SKI: variants seen among roughly 807,000 people sequenced by gnomAD.
SKI encodes SKI proto-oncogene, also known as ski oncogene.
In SKI, 23 loss-of-function variants were observed where a neutral mutation model predicts 59.3. That is an observed-to-expected ratio of 0.39 (90% CI 0.28 to 0.55). The LOEUF is 0.55. Among genes scored for constraint, SKI ranks in the 20% least tolerant of loss-of-function variants. The pLI is 0.67. For missense variants in SKI, 1,017 were observed against 1,038.9 expected (o/e 0.98, Z 0.29); for synonymous variants, 673 against 488.6 (o/e 1.38, Z -4.98).
At chr1:2,264,107 G>GT (rs1199352157) in intron 1 of SKI, among the ~76,000 whole-genome samples, 1 of 152,056 alleles carries the variant, frequency 6.6e-6, no homozygotes, top group African/African-American at 2.4e-5. Flanking sequence ...AGACTATTCA[G>GT]TTTATCTGTT....
chr1:2,246,854 G>GT (rs1491554287), intron 1 of SKI, among the ~76,000 whole-genome samples: 2 of 44,366 alleles, frequency 4.5e-5, no homozygotes, highest in Non-Finnish European at 4.5e-5. Flanking sequence ...GGAACCTGAT[G>GT]GGGGGGGCCT....
chr1:2,273,820 CTGTT>C (rs972025680), intron 1 of SKI, among the ~76,000 whole-genome samples: 6 of 152,206 alleles, frequency 3.9e-5, no homozygotes, highest in African/African-American at 1.4e-4. Flanking sequence ...GCCCTCCTGT[CTGTT>C]CTGTGGACCG....
At chr1:2,277,599 G>T (rs1321772488) in intron 1 of SKI, among the ~76,000 whole-genome samples, 4 of 152,178 alleles carry the variant, frequency 2.6e-5, no homozygotes, top group Non-Finnish European at 1.5e-5. Context: ...TCCCAGTTTC[G>T]GGTATATCTT....
At chr1:2,292,908 A>C (rs1252093762) in intron 1 of SKI, among the ~76,000 whole-genome samples, 1 of 152,158 alleles carries the variant, frequency 6.6e-6, no homozygotes, top group Non-Finnish European at 1.5e-5. Context: ...GCCGTGTCTC[A>C]GTGGCACCCT....
rs142819375 is a variant in SKI, at chr1:2,303,232, G to C, written c.1096-53G>C. ...GCACCCGGCGCAGCCTCAGGGACAT[G>C]AAGTGGCTTGTTTTTCTCCTGGTCA... On this transcript the variant is annotated intron_variant, in intron 2 of 6. Coordinates refer to ENST00000378536, the MANE Select transcript of SKI (RefSeq NM_003036.4). This position sits in a 1 kb window ranked among gnomAD's most constrained non-coding sequence, Gnocchi z 5.6. 2,147 of 1,604,340 alleles carry C rather than the reference G, an allele frequency of 1.3e-3. 3 individuals are homozygous for C. In the Middle Eastern group the frequency reaches 0.017, roughly 13 times the overall value.
chr1:2,273,128 C>T (rs1639665602), intron 1 of SKI, among the ~76,000 whole-genome samples: 1 of 152,218 alleles, frequency 6.6e-6, no homozygotes, highest in Non-Finnish European at 1.5e-5. Flanking sequence ...CGGGAACAGA[C>T]CAAGGGGGTG....
intron 1 of SKI, among the ~76,000 whole-genome samples, chr1:2,287,481 T>C (rs59514430): frequency 0.1 from 15,254 of 151,454 alleles, 841 homozygotes; most frequent in South Asian, 0.16. Context: ...GGACTACAGG[T>C]GCCCGCCACC....
At chr1:2,271,120 G>C (rs1165169159) in intron 1 of SKI, among the ~76,000 whole-genome samples, 1 of 152,148 alleles carries the variant, frequency 6.6e-6, no homozygotes, top group Non-Finnish European at 1.5e-5. Context: ...TGGGTGTTGG[G>C]GTGCACACAA....
At chr1:2,241,050 G>C (rs535453073) in intron 1 of SKI, among the ~76,000 whole-genome samples, 1 of 152,336 alleles carries the variant, frequency 6.6e-6, no homozygotes, top group East Asian at 1.9e-4. Context: ...GCCATTTTCT[G>C]CCTAAACGTT....
At chr1:2,283,264 C>T (rs1557838785) in intron 1 of SKI, among the ~76,000 whole-genome samples, 1 of 152,236 alleles carries the variant, frequency 6.6e-6, no homozygotes, top group Non-Finnish European at 1.5e-5. Flanking sequence ...TGCGCCAGGC[C>T]TCACTCAGTC....
intron 1 of SKI, among the ~76,000 whole-genome samples, chr1:2,234,525 G>A (rs909321971): frequency 1.1e-4 from 16 of 152,182 alleles, no homozygotes; most frequent in African/African-American, 3.6e-4. Context: ...AGTGTGAGCC[G>A]AACCCCGCCC....
chr1:2,252,422 T>C (rs995654524), intron 1 of SKI, among the ~76,000 whole-genome samples: 46 of 152,294 alleles, frequency 3.0e-4, no homozygotes, highest in African/African-American at 1.1e-3. Context: ...CAGAAGCAGC[T>C]TGGTCCCGGG....
In SKI at chr1:2,228,969, C is replaced by T; in HGVS notation, c.203C>T (p.Thr68Ile). 6.9e-7 allele frequency: 1 copy of T among 1,444,472 alleles called. No individual in the cohort carries two copies. The highest frequency in any genetic ancestry group is 9.1e-7 in the Non-Finnish European group (1 of 1,101,840). 89.5% of individuals were successfully genotyped at this position (1,444,472 alleles called of 1,614,324 possible). A position where few individuals can be genotyped will look rare whatever the true frequency, so the allele number is the denominator to read the frequency against. The change falls in exon 1 of 7, where the codon ACC (threonine) becomes ATC (isoleucine). Residue 68 changes from threonine (T) to isoleucine (I), a missense_variant. Transcript: ENST00000378536. ...AAVPAPVPAA[T>I]EPPPVLHLPA... ...GTGCCGGCGCCGGTGCCCGCAGCCA[C>T]CGAGCCGCCGCCCGTGCTGCACCTG...
intron 1 of SKI, among the ~76,000 whole-genome samples, chr1:2,285,845 C>T (rs1487885951): frequency 6.8e-6 from 1 of 146,674 alleles, no homozygotes; most frequent in African/African-American, 2.5e-5. Flanking sequence ...GGATTACAGG[C>T]GTGAGCCACC....
chr1:2,230,343 G>A (rs1402973455), intron 1 of SKI, among the ~76,000 whole-genome samples: 1 of 152,142 alleles, frequency 6.6e-6, no homozygotes, highest in East Asian at 1.9e-4. Context: ...CAGTGGCAGG[G>A]GCCCGAGACT....
In SKI at chr1:2,270,533, G is replaced by A. The variant is rs868582786; in HGVS notation, c.970-32445G>A. Among the ~76,000 whole-genome samples the A allele has an allele frequency of 6.6e-6, 1 of 152,200 alleles. No individual in the cohort carries two copies. Among genetic ancestry groups the A allele is most frequent in the East Asian group, 1.9e-4 (1 of 5,192 alleles). On this transcript the variant is annotated intron_variant, in intron 1 of 6. Coordinates refer to ENST00000378536, the MANE Select transcript of SKI (RefSeq NM_003036.4). The surrounding 1 kb of genome is among the most constrained non-coding windows in gnomAD (Gnocchi z 4.1). ...GGCTGCCATCTGGCGATTGTAAAAC[G>A]GGCAGTGTGCAGTGTTGAGGGGGCG...
At chr1:2,300,193 C>G (rs531606728) in intron 1 of SKI, among the ~76,000 whole-genome samples, 1 of 152,326 alleles carries the variant, frequency 6.6e-6, no homozygotes, top group East Asian at 1.9e-4. Flanking sequence ...GGGAAGGACC[C>G]CAGGAGGGGA....
Position 2,268,509 on chromosome 1 carries a change from A to G in SKI, c.970-34469A>G, listed in dbSNP as rs1639546969. 6.6e-6 allele frequency among the ~76,000 whole-genome samples: 1 copy of G among 150,700 alleles called. No individual in the cohort carries two copies. The highest frequency in any genetic ancestry group is 6.6e-5 in the Admixed American group (1 of 15,176). On this transcript the variant is annotated intron_variant, in intron 1 of 6. Transcript: ENST00000378536. The surrounding 1 kb of genome is among the most constrained non-coding windows in gnomAD (Gnocchi z 5.0). The stretch of plus-strand genomic sequence containing the variant: ...TTGGGGTATGTCTGGGTGCATGGGG[A>G]CTCCTCTGGCCTCCCCAGCGGTGCT...
At chr1:2,260,256 C>A (rs893043872) in intron 1 of SKI, among the ~76,000 whole-genome samples, 10 of 152,214 alleles carry the variant, frequency 6.6e-5, no homozygotes, top group African/African-American at 2.4e-4. Flanking sequence ...CTTCCCCAAT[C>A]GTTGAGAACG....
Sources: allele counts gnomAD v4.1 joint callset (sites outside exome capture counted in the v4.1 genomes callset), GRCh38; gene constraint gnomAD v4.1.1; non-coding constraint Gnocchi (gnomAD v3.1); transcripts MANE v1.5; gene names NCBI Gene and HGNC (gene_info 2026-07-23, HGNC 2026-07-21).